Variants in SPOCK3 observed in about 807,000 individuals in gnomAD.
The protein encoded by SPOCK3 is testican-3.
Under a neutral mutation model 56.6 loss-of-function variants are expected in SPOCK3, and 30 were observed. That is an observed-to-expected ratio of 0.53 (90% CI 0.40 to 0.72). SPOCK3 has a LOEUF of 0.72. Among genes scored for constraint, SPOCK3 ranks in the 30% least tolerant of loss-of-function variants. The pLI, the probability that SPOCK3 is intolerant of heterozygous loss-of-function variation, is 0.00. For missense variants in SPOCK3, 527 were observed against 530.0 expected, an observed-to-expected ratio of 0.99 and a Z score of 0.06; for synonymous variants, 196 against 183.3, an observed-to-expected ratio of 1.07 and a Z score of -0.56.
intron 6 of SPOCK3, among the ~76,000 whole-genome samples, chr4:166,852,218 A>G (rs1730197137): frequency 6.6e-6 from 1 of 152,138 alleles, no homozygotes; most frequent in African/African-American, 2.4e-5. Flanking sequence ...TAGTGGGTGC[A>G]GCACACCAGC....
chr4:167,062,150 T>G (rs896125174), intron 3 of SPOCK3, among the ~76,000 whole-genome samples: 1 of 151,852 alleles, frequency 6.6e-6, no homozygotes, highest in African/African-American at 2.4e-5. Context: ...TTTTAAAAGT[T>G]TGTACAAATA....
At chr4:167,204,399 G>A (rs1001937316) in intron 2 of SPOCK3, among the ~76,000 whole-genome samples, 2 of 152,048 alleles carry the variant, frequency 1.3e-5, no homozygotes, top group Non-Finnish European at 2.9e-5. Flanking sequence ...AGCTGGGGAG[G>A]CCTCAGGAAA....
intron 2 of SPOCK3, among the ~76,000 whole-genome samples, chr4:167,207,717 T>C (rs796933761): frequency 2.0e-5 from 3 of 152,314 alleles, no homozygotes; most frequent in African/African-American, 7.2e-5. Context: ...TATGCAATTA[T>C]AAGTTTTGGA....
intron 4 of SPOCK3, among the ~76,000 whole-genome samples, chr4:166,985,267 C>T (rs1313630499): frequency 1.3e-5 from 2 of 152,106 alleles, no homozygotes; most frequent in Non-Finnish European, 2.9e-5. Flanking sequence ...ATAGAAATGT[C>T]TTTTCAAATT....
At chr4:167,080,067 G>A (rs888443120) in intron 2 of SPOCK3, among the ~76,000 whole-genome samples, 1 of 151,982 alleles carries the variant, frequency 6.6e-6, no homozygotes, top group Non-Finnish European at 1.5e-5. Context: ...CTTGCAAAAT[G>A]CATAGATGGC....
intron 2 of SPOCK3, among the ~76,000 whole-genome samples, chr4:167,227,288 C>T (rs1169069511): frequency 6.6e-6 from 1 of 151,880 alleles, no homozygotes; most frequent in Non-Finnish European, 1.5e-5. Flanking sequence ...TAAAGTGGTT[C>T]AATACTTATA....
At position 166,742,150 on chromosome 4, in the gene SPOCK3, G is replaced by C; in HGVS notation, c.932-91C>G. ...TTATCAAACTTCACTTAGTCTTTTT[G>C]TGCCTTTGGAAGACATGTATTACAT... On this transcript the variant is annotated intron_variant, in intron 8 of 10. Transcript: ENST00000357545. 8 of 947,052 alleles carry C rather than the reference G, an allele frequency of 8.4e-6. No homozygotes were observed. In the South Asian group the frequency reaches 1.1e-4, roughly 13 times the overall value. 58.7% of individuals were successfully genotyped at this position (947,052 alleles called of 1,614,324 possible).
chr4:166,989,353 G>T (rs932796676), intron 4 of SPOCK3, among the ~76,000 whole-genome samples: 1 of 151,834 alleles, frequency 6.6e-6, no homozygotes, highest in Non-Finnish European at 1.5e-5. Context: ...TATGTGTTAA[G>T]TATCTGGGAC....
At chr4:167,044,124 A>G (rs1036936905) in intron 3 of SPOCK3, among the ~76,000 whole-genome samples, 7 of 152,070 alleles carry the variant, frequency 4.6e-5, no homozygotes, top group Admixed American at 6.6e-5. Context: ...TCTTTAATAG[A>G]TATCAGTCTA....
intron 2 of SPOCK3, among the ~76,000 whole-genome samples, chr4:167,162,352 A>G (rs1765391839): frequency 6.6e-6 from 1 of 152,066 alleles, no homozygotes; most frequent in Non-Finnish European, 1.5e-5. Flanking sequence ...TCTCCTCCCT[A>G]CCCTGGGCAT....
At chr4:166,913,464 A>T (rs1171633432) in intron 4 of SPOCK3, among the ~76,000 whole-genome samples, 1 of 152,208 alleles carries the variant, frequency 6.6e-6, no homozygotes, top group Non-Finnish European at 1.5e-5. Context: ...TAGAAAAAAA[A>T]TTAACTGAGA....
chr4:166,827,838 G>GGA (rs1745640636), intron 6 of SPOCK3, among the ~76,000 whole-genome samples: 1 of 144,958 alleles, frequency 6.9e-6, no homozygotes. Flanking sequence ...CTCATCAAGG[G>GGA]AAAAAAAAAA....
chr4:167,116,798 C>A (rs1761440349), intron 2 of SPOCK3, among the ~76,000 whole-genome samples: 1 of 134,784 alleles, frequency 7.4e-6, no homozygotes, highest in Admixed American at 7.7e-5. Flanking sequence ...TATATATACA[C>A]ATAAATACAC....
At chr4:166,888,370 G>A (rs1734421096) in intron 6 of SPOCK3, among the ~76,000 whole-genome samples, 1 of 151,996 alleles carries the variant, frequency 6.6e-6, no homozygotes, top group South Asian at 2.1e-4. Flanking sequence ...TGATGACAGT[G>A]CTCTAATGCT....
intron 4 of SPOCK3, among the ~76,000 whole-genome samples, chr4:166,948,050 C>A (rs1742000077): frequency 6.6e-6 from 1 of 152,150 alleles, no homozygotes; most frequent in African/African-American, 2.4e-5. Context: ...CCTTTAGTAA[C>A]CTATATTCTA....
At chr4:166,849,503 C>T (rs1191280234) in intron 6 of SPOCK3, among the ~76,000 whole-genome samples, 1 of 151,946 alleles carries the variant, frequency 6.6e-6, no homozygotes, top group African/African-American at 2.4e-5. Context: ...TCATTTAATA[C>T]TTGTTTGGCC....
At chr4:166,883,722 C>T (rs771851234) in intron 6 of SPOCK3, among the ~76,000 whole-genome samples, 26 of 152,330 alleles carry the variant, frequency 1.7e-4, no homozygotes, top group South Asian at 1.7e-3. Flanking sequence ...CTTTTAGTAA[C>T]TCGTGACAAC....
At chr4:166,849,412 T>G (rs948790741) in intron 6 of SPOCK3, among the ~76,000 whole-genome samples, 14 of 152,152 alleles carry the variant, frequency 9.2e-5, no homozygotes, top group Non-Finnish European at 5.9e-5. Flanking sequence ...GGTTTTTTTT[T>G]GTCATTAAAA....
chr4:167,094,920 G>T (rs1759020215), intron 2 of SPOCK3, among the ~76,000 whole-genome samples: 1 of 152,060 alleles, frequency 6.6e-6, no homozygotes, highest in South Asian at 2.1e-4. Context: ...AGACCCAGAA[G>T]ACCCGATGGT....
Sources: allele counts gnomAD v4.1 joint callset (sites outside exome capture counted in the v4.1 genomes callset), GRCh38; gene constraint gnomAD v4.1.1; transcripts MANE v1.5; gene names NCBI Gene and HGNC (gene_info 2026-07-23, HGNC 2026-07-21).